The following CELF2 variants were observed in gnomAD, a reference collection of about 807,000 sequenced individuals.
The protein encoded by CELF2 is CUGBP Elav-like family member 2.
Under a neutral mutation model 62.6 loss-of-function variants are expected in CELF2, and 8 were observed. The ratio of observed to expected loss-of-function variants is 0.13; its 90% confidence interval spans 0.07 to 0.23. CELF2 has a LOEUF of 0.23. CELF2 is among the 10% of genes least tolerant of loss of function. The pLI is 1.00. For missense variants in CELF2, 333 were observed against 671.0 expected (o/e 0.50, Z 5.56); for synonymous variants, 258 against 250.0 (o/e 1.03, Z -0.30).
At chr10:10,818,731 C>T (rs762134813) in intron 1 of CELF2, among the ~76,000 whole-genome samples, 2 of 152,008 alleles carry the variant, frequency 1.3e-5, no homozygotes, top group Non-Finnish European at 2.9e-5. Flanking sequence ...TAGCTGCCAT[C>T]ATGCCTGGCC....
intron 1 of CELF2, among the ~76,000 whole-genome samples, chr10:11,049,857 G>A (rs996371469): frequency 3.9e-5 from 6 of 152,158 alleles, no homozygotes; most frequent in African/African-American, 1.2e-4. Flanking sequence ...AGAACACAGT[G>A]TCATTCATGC....
intron 1 of CELF2, among the ~76,000 whole-genome samples, chr10:10,898,566 A>C (rs2062724169): frequency 6.6e-6 from 1 of 152,212 alleles, no homozygotes; most frequent in African/African-American, 2.4e-5. Flanking sequence ...TTTATCAGCT[A>C]ATCAAGAAGA....
rs576129206 is a variant in CELF2, at chr10:11,093,025, T to A, written c.75-72461T>A. Among the ~76,000 whole-genome samples, 3 of 152,368 alleles carry A rather than the reference T, an allele frequency of 2.0e-5. No individual in the cohort carries two copies. The South Asian group carries it at 6.2e-4, about 32-fold the overall frequency. On this transcript the variant is annotated intron_variant, in intron 1 of 12. Transcript: ENST00000633077. ...CAATTCCGTCCATTCCACTGTGTAA[T>A]AATAGGAGGCTGTACGTCTTGATTG...
intron 5 of CELF2, among the ~76,000 whole-genome samples, chr10:11,258,356 G>A (rs2079438564): frequency 1.3e-5 from 2 of 152,186 alleles, no homozygotes; most frequent in African/African-American, 4.8e-5. Flanking sequence ...TAGGGTAACT[G>A]GGCCTGTATT....
chr10:10,878,115 C>T (rs1477622950), intron 1 of CELF2, among the ~76,000 whole-genome samples: 1 of 152,194 alleles, frequency 6.6e-6, no homozygotes, highest in Admixed American at 6.5e-5. Context: ...GCAGGAATTT[C>T]CCAGCTAGAC....
intron 1 of CELF2, among the ~76,000 whole-genome samples, chr10:11,076,121 A>G (rs569143513): frequency 6.6e-6 from 1 of 152,068 alleles, no homozygotes; most frequent in African/African-American, 2.4e-5. Context: ...ATGAACAAGC[A>G]GAAGTTAAAA....
the CELF2 span, among the ~76,000 whole-genome samples, chr10:10,588,560 A>G: frequency 2.0e-5 from 3 of 152,296 alleles, no homozygotes; most frequent in Non-Finnish European, 4.4e-5. Flanking sequence ...GCCATGCTCA[A>G]TATGGTGGTG....
the CELF2 span, among the ~76,000 whole-genome samples, chr10:10,579,783 G>T: frequency 6.6e-6 from 1 of 151,986 alleles, no homozygotes; most frequent in Admixed American, 6.6e-5. Context: ...ATACATAAAA[G>T]TTCCAAATAT....
At chr10:10,595,093 T>C in the CELF2 span, among the ~76,000 whole-genome samples, 1 of 152,244 alleles carries the variant, frequency 6.6e-6, no homozygotes, top group African/African-American at 2.4e-5. Flanking sequence ...CACACTAGTG[T>C]ACAGGGCAAA....
At position 11,227,204 on chromosome 10, in the gene CELF2, G is replaced by A. The variant is rs941529267; in HGVS notation, c.354+9697G>A. 6.6e-6 allele frequency among the ~76,000 whole-genome samples: 1 copy of A among 152,210 alleles called. No homozygotes were observed. Among genetic ancestry groups the A allele is most frequent in the African/African-American group, 2.4e-5 (1 of 41,444 alleles). On this transcript the variant is annotated intron_variant, in intron 3 of 12. Transcript: ENST00000633077. The surrounding 1 kb of genome is among the most constrained non-coding windows in gnomAD (Gnocchi z 4.8). Reference sequence around the variant, plus strand: ...CCTCCTGCCCTGAAAACTCCTGGAGGCCTTTAGAAAGGAACTGTTCTACCC... The same window carrying A: ...CCTCCTGCCCTGAAAACTCCTGGAGACCTTTAGAAAGGAACTGTTCTACCC...
At chr10:11,092,557 A>G (rs2048613772) in intron 1 of CELF2, among the ~76,000 whole-genome samples, 1 of 152,240 alleles carries the variant, frequency 6.6e-6, no homozygotes, top group Admixed American at 6.5e-5. Context: ...TGTTTTTAAC[A>G]GTCATGCAGA....
chr10:10,623,471 G>C, the CELF2 span, among the ~76,000 whole-genome samples: 10 of 152,288 alleles, frequency 6.6e-5, no homozygotes, highest in African/African-American at 2.4e-4. Context: ...TATTTGAATG[G>C]CATGAAGTCT....
At chr10:11,014,210 A>C (rs1258128462), upstream of CELF2, among the ~76,000 whole-genome samples, 1 of 152,230 alleles carries the variant, frequency 6.6e-6, no homozygotes, top group African/African-American at 2.4e-5. Flanking sequence ...ACGAGCCAGA[A>C]ATGAGAAGGA....
At chr10:10,899,765 G>A (rs116529243) in intron 1 of CELF2, among the ~76,000 whole-genome samples, 121 of 152,302 alleles carry the variant, frequency 7.9e-4, no homozygotes, top group Middle Eastern at 3.4e-3. Flanking sequence ...AGCTAGAGCA[G>A]GAGGAAGGGG....
chr10:11,111,550 C>CT (rs1038859185), intron 1 of CELF2, among the ~76,000 whole-genome samples: 19 of 151,558 alleles, frequency 1.3e-4, no homozygotes, highest in African/African-American at 3.4e-4. Flanking sequence ...ATTTATGTTT[C>CT]TTTTTTTTTC....
intron 2 of CELF2, among the ~76,000 whole-genome samples, chr10:11,190,865 T>C (rs1036645487): frequency 8.3e-6 from 1 of 120,342 alleles, no homozygotes; most frequent in African/African-American, 3.3e-5. Flanking sequence ...AGACAGAAAA[T>C]AGGTTGGTGG....
At position 11,242,762 on chromosome 10, in the gene CELF2, T is replaced by C. The variant is rs1315927834; in HGVS notation, c.355-6391T>C. On this transcript the variant is annotated intron_variant, in intron 3 of 12. Coordinates refer to ENST00000633077, the MANE Select transcript of CELF2 (RefSeq NM_001326342.2). The surrounding 1 kb of genome is among the most constrained non-coding windows in gnomAD (Gnocchi z 4.8). The stretch of plus-strand genomic sequence containing the variant: ...AGGCCAGCCAGGGTGAGGACCAGGG[T>C]GGACCACTCAGCTCTGGGACCCTGT... Among the ~76,000 whole-genome samples the C allele has an allele frequency of 6.6e-6, 1 of 151,928 alleles. No individual in the cohort carries two copies. Among genetic ancestry groups the C allele is most frequent in the Non-Finnish European group, 1.5e-5 (1 of 67,964 alleles).
At chr10:11,200,053 C>G (rs114728693) in intron 2 of CELF2, among the ~76,000 whole-genome samples, 180 of 152,314 alleles carry the variant, frequency 1.2e-3, no homozygotes, top group African/African-American at 4.2e-3. Context: ...TTCTGGATTT[C>G]TAGTTGTGGT....
At position 10,802,068 on chromosome 10, in the gene CELF2, C is replaced by T. The variant is rs140926270; in HGVS notation, c.53+3251C>T. Among the ~76,000 whole-genome samples, 353 of 152,228 alleles carry T rather than the reference C, an allele frequency of 2.3e-3. 1 individual carries two copies. Among genetic ancestry groups the T allele is most frequent in the African/African-American group, 7.9e-3 (330 of 41,538 alleles). On this transcript the variant is annotated intron_variant, in intron 1 of 13. Coordinates refer to the CELF2 transcript ENST00000636488. ...TTCAACATTCTCCCATTTGACTCCT[C>T]GGAAAGTACAAACACTCCAGCTGCA...
Sources: gnomAD v4.1 joint callset for allele counts (sites outside exome capture counted in the v4.1 genomes callset) on GRCh38, gnomAD v4.1.1 for gene constraint, Gnocchi (gnomAD v3.1) non-coding constraint, MANE v1.5 for transcripts, NCBI Gene and HGNC (gene_info 2026-07-23, HGNC 2026-07-21) for gene names.